C10orf67: variants seen among roughly 807,000 people sequenced by gnomAD.
C10orf67 encodes chromosome 10 open reading frame 67, also known as uncharacterized protein C10orf67, mitochondrial.
C10orf67 carries 60 observed loss-of-function variants against 35.6 expected under a neutral mutation model. The ratio of observed to expected loss-of-function variants is 1.68; its 90% CI spans 1.37 to 2.09. The LOEUF is 2.09. Among genes scored for constraint, C10orf67 ranks in the 30% most tolerant of loss-of-function variants. C10orf67 has a pLI of 0.00. For synonymous variants in C10orf67, 167 were observed against 115.8 expected (o/e 1.44, Z -2.84); for missense variants, 474 against 330.2 (o/e 1.44, Z -3.38).
At chr10:23,221,381 G>C (rs1841576399) in intron 15 of C10orf67, among the ~76,000 whole-genome samples, 1 of 152,038 alleles carries the variant, frequency 6.6e-6, no homozygotes, top group South Asian at 2.1e-4. Context: ...GTGAGATTTG[G>C]GTGGGGACAC....
chr10:23,301,507 T>C (rs1172641432), intron 5 of C10orf67, among the ~76,000 whole-genome samples: 1 of 152,156 alleles, frequency 6.6e-6, no homozygotes, highest in African/African-American at 2.4e-5. Context: ...GCTTTGGAGG[T>C]CCCATGTGGG....
chr10:23,259,583 A>C (rs1387816345), intron 10 of C10orf67, among the ~76,000 whole-genome samples: 1 of 152,196 alleles, frequency 6.6e-6, no homozygotes, highest in Non-Finnish European at 1.5e-5. Context: ...CTCAAAGATG[A>C]CCCATATTTT....
Position 23,315,271 on chromosome 10 carries a change from C to A in C10orf67, c.546+5470G>T, listed in dbSNP as rs115070148. On this transcript the variant is annotated intron_variant, in intron 4 of 15. Coordinates refer to ENST00000636213, the MANE Select transcript of C10orf67 (RefSeq NM_001371909.1). Reference sequence around the variant, plus strand: ...AACTGATGAATACGAAGAATTTAATCATTTCATAGCTTTCTACTCCTAGAA... The same window carrying A: ...AACTGATGAATACGAAGAATTTAATAATTTCATAGCTTTCTACTCCTAGAA... 7.0e-3 allele frequency among the ~76,000 whole-genome samples: 1,066 copies of A among 152,280 alleles called. 9 individuals carry two copies. The highest frequency in any genetic ancestry group is 0.024 in the African/African-American group (995 of 41,554).
intron 1 of C10orf67, among the ~76,000 whole-genome samples, chr10:23,341,073 T>A (rs561623036): frequency 2.0e-5 from 3 of 152,334 alleles, no homozygotes; most frequent in African/African-American, 7.2e-5. Context: ...CTTTTACTCC[T>A]CTTCAAAGAA....
intron 6 of C10orf67, among the ~76,000 whole-genome samples, chr10:23,290,160 GAAGT>G (rs1554811589): frequency 6.6e-6 from 1 of 152,220 alleles, no homozygotes; most frequent in Non-Finnish European, 1.5e-5. Context: ...TAGGGATTAA[GAAGT>G]AAGTTCAAGA....
At chr10:23,318,016 C>T (rs1357406820) in intron 4 of C10orf67, 5 of 143,460 alleles carry the variant, frequency 3.5e-5, no homozygotes, top group Non-Finnish European at 6.0e-5. Context: ...GCCAGAGGAT[C>T]ACTTGAGTCC....
chr10:23,290,507 A>C (rs1843688566), intron 6 of C10orf67, among the ~76,000 whole-genome samples: 1 of 152,238 alleles, frequency 6.6e-6, no homozygotes, highest in African/African-American at 2.4e-5. Context: ...ATCACAGTTA[A>C]ATGAAAAAAT....
At chr10:23,247,743 T>C (rs1842353525) in intron 12 of C10orf67, among the ~76,000 whole-genome samples, 1 of 152,176 alleles carries the variant, frequency 6.6e-6, no homozygotes, top group African/African-American at 2.4e-5. Flanking sequence ...TTATGACAAA[T>C]TGAATGTTAT....
chr10:23,332,489 C>G (rs549826803), intron 2 of C10orf67, among the ~76,000 whole-genome samples: 18 of 152,116 alleles, frequency 1.2e-4, no homozygotes, highest in African/African-American at 3.9e-4. Flanking sequence ...TCAATAGCAG[C>G]CTGAAAAACA....
intron 15 of C10orf67, among the ~76,000 whole-genome samples, chr10:23,216,737 A>C (rs1307241264): frequency 1.3e-5 from 2 of 152,192 alleles, no homozygotes; most frequent in African/African-American, 4.8e-5. Flanking sequence ...TACTTCCACC[A>C]TCATGGATAT....
chr10:23,292,850 T>C (rs1430552706), intron 5 of C10orf67, among the ~76,000 whole-genome samples: 1 of 152,160 alleles, frequency 6.6e-6, no homozygotes, highest in Non-Finnish European at 1.5e-5. Context: ...TGAGCCCAAT[T>C]CATCTTAACT....
chr10:23,341,831 C>G (rs1436630351), intron 1 of C10orf67, among the ~76,000 whole-genome samples: 1 of 152,144 alleles, frequency 6.6e-6, no homozygotes, highest in Non-Finnish European at 1.5e-5. Context: ...AGTCTTCACC[C>G]CAGTGTCATT....
At chr10:23,270,740 C>T (rs1310885168) in intron 8 of C10orf67, among the ~76,000 whole-genome samples, 2 of 152,234 alleles carry the variant, frequency 1.3e-5, no homozygotes, top group African/African-American at 2.4e-5. Context: ...CTCAGCTGTT[C>T]TAGCCCACCA....
intron 5 of C10orf67, among the ~76,000 whole-genome samples, chr10:23,297,948 C>T (rs762842873): frequency 1.3e-5 from 2 of 152,222 alleles, no homozygotes; most frequent in Non-Finnish European, 2.9e-5. Context: ...ACTGCCACCA[C>T]TACCCGTAAA....
intron 8 of C10orf67, among the ~76,000 whole-genome samples, chr10:23,276,314 A>AG (rs1174376593): frequency 2.0e-5 from 3 of 152,080 alleles, no homozygotes; most frequent in South Asian, 2.1e-4. Context: ...GAAATGGCTC[A>AG]GGGGGGGATA....
At chr10:23,208,212 CGTAACTCACCT>C (rs1430668577) in intron 15 of C10orf67, among the ~76,000 whole-genome samples, 2 of 152,154 alleles carry the variant, frequency 1.3e-5, no homozygotes, top group Non-Finnish European at 2.9e-5. Flanking sequence ...TAAATGCTCT[CGTAACTCACCT>C]GTAACTCACC....
At chr10:23,314,483 AACACACACACACACACACACACAC>A (rs56043614) in intron 4 of C10orf67, among the ~76,000 whole-genome samples, 187 of 135,836 alleles carry the variant, frequency 1.4e-3, no homozygotes, top group African/African-American at 5.0e-3. Context: ...ATTAAGTTAA[AACACACACACACACACACACACAC>A]ACACACACAC....
intron 4 of C10orf67, among the ~76,000 whole-genome samples, chr10:23,315,860 T>G (rs1844686513): frequency 1.3e-5 from 2 of 151,702 alleles, no homozygotes; most frequent in South Asian, 4.2e-4. Context: ...GCTCCGTCAC[T>G]CAGGCTGGAG....
At chr10:23,333,671 G>T in intron 1 of C10orf67, among the ~76,000 whole-genome samples, 1 of 152,118 alleles carries the variant, frequency 6.6e-6, no homozygotes, top group South Asian at 2.1e-4. Flanking sequence ...TCTCACAAAT[G>T]TTCAGTGGAG....
Sources: gnomAD v4.1 joint callset for allele counts (sites outside exome capture counted in the v4.1 genomes callset) on GRCh38, gnomAD v4.1.1 for gene constraint, MANE v1.5 for transcripts, NCBI Gene and HGNC (gene_info 2026-07-23, HGNC 2026-07-21) for gene names.